The following NALCN variants were observed in gnomAD, a reference collection of about 807,000 sequenced individuals.
The protein encoded by NALCN is sodium leak channel, non-selective, also known as sodium leak channel NALCN.
A neutral mutation model predicts 225.3 loss-of-function variants in NALCN; 111 were observed. The observed-to-expected ratio is 0.49, with a 90% CI of 0.42 to 0.58. The LOEUF (loss-of-function observed/expected upper bound fraction) is 0.58. Ranked by LOEUF, NALCN falls within the 20% of genes least tolerant of loss-of-function variation. The pLI is 0.00. For synonymous variants in NALCN, 764 were observed against 769.0 expected (o/e 0.99, Z 0.11); for missense variants, 1,378 against 2,202.4 (o/e 0.63, Z 7.49).
At chr13:101,324,953 A>G (rs1228904841) in intron 7 of NALCN, among the ~76,000 whole-genome samples, 1 of 152,144 alleles carries the variant, frequency 6.6e-6, no homozygotes, top group African/African-American at 2.4e-5. Context: ...ACGTCCCATC[A>G]ATACTTAATT....
intron 13 of NALCN, among the ~76,000 whole-genome samples, chr13:101,211,454 A>G (rs1331173701): frequency 6.6e-6 from 1 of 152,002 alleles, no homozygotes; most frequent in East Asian, 1.9e-4. Context: ...AAGATGGCCA[A>G]TTTTATGTGA....
intron 14 of NALCN, among the ~76,000 whole-genome samples, chr13:101,185,811 A>G (rs1471502165): frequency 6.6e-6 from 1 of 152,238 alleles, no homozygotes; most frequent in Admixed American, 6.5e-5. Flanking sequence ...GGAAGACTAA[A>G]TCAGGAACTC....
At chr13:101,080,605 T>G (rs2033570260) in intron 34 of NALCN, among the ~76,000 whole-genome samples, 1 of 123,904 alleles carries the variant, frequency 8.1e-6, no homozygotes, top group Admixed American at 7.9e-5. Flanking sequence ...ATTAAATTAA[T>G]TATATAATCA....
chr13:101,208,761 C>A (rs931788050), intron 13 of NALCN, among the ~76,000 whole-genome samples: 1 of 152,112 alleles, frequency 6.6e-6, no homozygotes, highest in African/African-American at 2.4e-5. Context: ...AAAGAGTTGG[C>A]GCCTCCTCTC....
chr13:101,257,212 T>TTTTG (rs2042264281), intron 11 of NALCN, among the ~76,000 whole-genome samples: 2 of 146,178 alleles, frequency 1.4e-5, no homozygotes, highest in Non-Finnish European at 3.0e-5. Flanking sequence ...GTTTATTGTT[T>TTTTG]TTTTTTTTTT....
At chr13:101,171,196 A>C (rs80342233) in intron 15 of NALCN, among the ~76,000 whole-genome samples, 2,922 of 151,038 alleles carry the variant, frequency 0.019, 90 homozygotes, top group African/African-American at 0.06. Context: ...GTGTGTATAA[A>C]TACTAAATAT....
intron 30 of NALCN, among the ~76,000 whole-genome samples, chr13:101,088,182 G>A (rs2034026224): frequency 6.6e-6 from 1 of 152,036 alleles, no homozygotes; most frequent in Non-Finnish European, 1.5e-5. Flanking sequence ...GCCCAAAAGA[G>A]GAATTTTTAA....
At chr13:101,259,606 T>C (rs952861079) in intron 10 of NALCN, among the ~76,000 whole-genome samples, 4 of 151,510 alleles carry the variant, frequency 2.6e-5, no homozygotes, top group African/African-American at 4.8e-5. Flanking sequence ...AGTGTTGGGA[T>C]TACAGGCATG....
chr13:101,164,868 G>T (rs551560499), intron 15 of NALCN, among the ~76,000 whole-genome samples: 3 of 152,106 alleles, frequency 2.0e-5, no homozygotes, highest in South Asian at 2.1e-4. Context: ...GGAAAGTTAT[G>T]GGCAATAATA....
intron 15 of NALCN, among the ~76,000 whole-genome samples, chr13:101,167,845 ACAAAAAC>A (rs1188771722): frequency 3.3e-5 from 5 of 149,630 alleles, no homozygotes; most frequent in African/African-American, 4.9e-5. Context: ...TCAAAAAAAA[ACAAAAAC>A]AAAAACTGTT....
intron 32 of NALCN, 31 bp from the exon 33 acceptor site, chr13:101,082,914 C>T: frequency 1.9e-6 from 3 of 1,612,180 alleles, no homozygotes; most frequent in Non-Finnish European, 2.5e-6. Flanking sequence ...GAGTCGTTGC[C>T]CACGTCCATC....
intron 18 of NALCN, among the ~76,000 whole-genome samples, chr13:101,113,432 G>T (rs1390527021): frequency 6.6e-6 from 1 of 152,296 alleles, no homozygotes; most frequent in Middle Eastern, 3.4e-3. Context: ...TGTCACATTT[G>T]TTGGTCATGT....
At chr13:101,266,477 G>A (rs1460986721) in intron 10 of NALCN, among the ~76,000 whole-genome samples, 1 of 152,156 alleles carries the variant, frequency 6.6e-6, no homozygotes, top group East Asian at 1.9e-4. Flanking sequence ...TGTAGGCAAA[G>A]AGACAAAATA....
intron 37 of NALCN, among the ~76,000 whole-genome samples, chr13:101,072,039 T>G (rs146439816): frequency 0.01 from 1,539 of 152,124 alleles, 10 homozygotes; most frequent in Non-Finnish European, 0.015. Context: ...CATTTATCAA[T>G]TAAATTCTCC....
intron 10 of NALCN, among the ~76,000 whole-genome samples, chr13:101,279,759 G>A (rs2043090085): frequency 6.7e-6 from 1 of 149,442 alleles, no homozygotes; most frequent in Non-Finnish European, 1.5e-5. Context: ...GGAGCTTGCA[G>A]TGAGCCGAGA....
At chr13:101,103,438 A>G in intron 25 of NALCN, 99 bp from the exon 26 acceptor site, 1 of 1,375,106 alleles carries the variant, frequency 7.3e-7, no homozygotes, top group Non-Finnish European at 9.8e-7. Context: ...TTTAGCAGAG[A>G]TTCCACTCAC....
At chr13:101,162,178 A>C (rs908636389) in intron 15 of NALCN, among the ~76,000 whole-genome samples, 4 of 152,108 alleles carry the variant, frequency 2.6e-5, no homozygotes, top group African/African-American at 4.8e-5. Flanking sequence ...TCCTTAAATG[A>C]TGTTATTTTC....
intron 15 of NALCN, among the ~76,000 whole-genome samples, chr13:101,150,624 C>A (rs2037601316): frequency 1.3e-5 from 2 of 152,114 alleles, no homozygotes; most frequent in South Asian, 2.1e-4. Context: ...TATTAAGTTT[C>A]TTTAAAATGT....
chr13:101,416,770 CG>C (rs1249032731), upstream of NALCN, among the ~76,000 whole-genome samples: 1 of 151,510 alleles, frequency 6.6e-6, no homozygotes, highest in Non-Finnish European at 1.5e-5. Context: ...GAGCTCCTCT[CG>C]GGGGTCTTTC....
Sources: allele counts gnomAD v4.1 joint callset (sites outside exome capture counted in the v4.1 genomes callset), GRCh38; gene constraint gnomAD v4.1.1; transcripts MANE v1.5; gene names NCBI Gene and HGNC (gene_info 2026-07-23, HGNC 2026-07-21).